The following GBP7 variants were observed in gnomAD, a reference collection of about 807,000 sequenced individuals.
GBP7 encodes guanylate binding protein 7.
Under a neutral mutation model 61.3 loss-of-function variants are expected in GBP7, and 43 were observed. The ratio of observed to expected loss-of-function variants is 0.70; its 90% CI spans 0.55 to 0.91. GBP7 has a LOEUF of 0.91. Ranked by LOEUF, GBP7 falls within the 40% of genes least tolerant of loss-of-function variation. The pLI is 0.00. For missense variants in GBP7, 717 were observed against 740.5 expected, an observed-to-expected ratio of 0.97 and a Z score of 0.37; for synonymous variants, 267 against 271.0, an observed-to-expected ratio of 0.99 and a Z score of 0.14.
intron 9 of GBP7, among the ~76,000 whole-genome samples, chr1:89,133,978 G>A (rs1437457697): frequency 2.0e-5 from 3 of 152,108 alleles, no homozygotes; most frequent in South Asian, 2.1e-4. Flanking sequence ...GGCTTTTGTC[G>A]ACTATTGGTC....
chr1:89,165,986 A>G lies in GBP7; in HGVS notation c.191-1128T>C, dbSNP rs572951652. Among the ~76,000 whole-genome samples, 6 of 152,348 alleles carry G rather than the reference A, an allele frequency of 3.9e-5. No homozygotes were observed. The East Asian group carries it at 1.2e-3, about 29-fold the overall frequency. ...ATGGGGACAGTGGGAAACCCCCTCT[A>G]TGAGTAACAAGCCCTCACTAGACAC... is the stretch of plus-strand genomic sequence containing the variant. On this transcript the variant is annotated intron_variant, in intron 2 of 10. Transcript: ENST00000294671.
intron 2 of GBP7, among the ~76,000 whole-genome samples, chr1:89,168,989 A>C (rs1341241156): frequency 7.0e-5 from 1 of 14,246 alleles, no homozygotes; most frequent in Admixed American, 5.8e-4. Flanking sequence ...AAAAAACAAA[A>C]AACAAAAAAA....
chr1:89,170,795 T>C (rs1647575549), intron 2 of GBP7, among the ~76,000 whole-genome samples: 1 of 152,188 alleles, frequency 6.6e-6, no homozygotes, highest in African/African-American at 2.4e-5. Flanking sequence ...AACTACAACC[T>C]TGCGACAAAG....
chr1:89,164,623 T>G, intron 3 of GBP7, 108 bp downstream of exon 3: 1 of 1,107,506 alleles, frequency 9.0e-7, no homozygotes, highest in Admixed American at 2.5e-5. Context: ...TTTCCCATAA[T>G]CAGATTTGTG....
At chr1:89,172,718 T>G (rs919710536) in intron 1 of GBP7, among the ~76,000 whole-genome samples, 8 of 152,090 alleles carry the variant, frequency 5.3e-5, no homozygotes, top group African/African-American at 1.9e-4. Context: ...GTTTCCATTT[T>G]GAGAAACAGT....
intron 3 of GBP7, among the ~76,000 whole-genome samples, chr1:89,156,261 A>G (rs530273826): frequency 3.4e-4 from 52 of 152,350 alleles, no homozygotes; most frequent in African/African-American, 1.2e-3. Flanking sequence ...GCCAAATTGT[A>G]AAGACCATCT....
At chr1:89,147,144 TTCA>T (rs1282215379) in intron 8 of GBP7, among the ~76,000 whole-genome samples, 1 of 152,112 alleles carries the variant, frequency 6.6e-6, no homozygotes, top group African/African-American at 2.4e-5. Context: ...AACCATTCAT[TTCA>T]TCATCACCAT....
intron 8 of GBP7, among the ~76,000 whole-genome samples, chr1:89,145,991 C>T (rs1339250108): frequency 6.6e-6 from 1 of 151,970 alleles, no homozygotes; most frequent in Admixed American, 6.5e-5. Context: ...CATATGGAAC[C>T]ATAAAAGACC....
chr1:89,131,868 ATC>A lies in GBP7; in HGVS notation c.*279_*280del, dbSNP rs1273713730. 1.3e-5 allele frequency: 3 copies of A among 235,228 alleles called. No homozygotes were observed. Among genetic ancestry groups the A allele is most frequent in the African/African-American group, 6.8e-5 (3 of 44,354 alleles). 14.6% of individuals were successfully genotyped at this position (235,228 alleles called of 1,614,324 possible). Reference sequence around the variant, plus strand: ...GCAAGAGCTAATTATAACTTAAATTATCTCTGTGACTATAACATTAATTGAAA... The same window carrying A: ...GCAAGAGCTAATTATAACTTAAATTATCTGTGACTATAACATTAATTGAAA... On this transcript the variant is annotated 3_prime_UTR_variant, in exon 11 of 11. Transcript: ENST00000294671.
intron 8 of GBP7, among the ~76,000 whole-genome samples, chr1:89,145,261 C>G (rs897428135): frequency 1.3e-5 from 2 of 152,086 alleles, no homozygotes; most frequent in African/African-American, 4.8e-5. Flanking sequence ...GACTTTCGCT[C>G]TTTTTAAATA....
rs34186424 is a variant in GBP7, at chr1:89,168,781, A to AAACAACAAC, written c.190+2956_190+2964dup. Among the ~76,000 whole-genome samples the AAACAACAAC allele has an allele frequency of 2.7e-5, 4 of 150,180 alleles. No homozygotes were observed. The East Asian group carries it at 6.0e-4, about 22-fold the overall frequency. On this transcript the variant is annotated intron_variant, in intron 2 of 10. Coordinates refer to ENST00000294671, the MANE Select transcript of GBP7 (RefSeq NM_207398.3). ...GAAACCCTGTCTCTACTAAAAATAC[A>AAACAACAAC]AACAACAACAACAACAACAACAACA...
Position 89,150,405 on chromosome 1 carries a change from C to T in GBP7, c.796G>A (p.Glu266Lys). Residue 266 changes from glutamate (E) to lysine (K), a missense_variant, in exon 6 of 11, where the codon GAA becomes AAA. Around this residue, in one of 3 missense-constraint regions of GBP7, gnomAD observed 387 missense variants for 385.2 expected, o/e 1.00. Coordinates refer to ENST00000294671, the MANE Select transcript of GBP7 (RefSeq NM_207398.3). Reference protein sequence around the residue: ...QLDSNFQMQSENFCSYIFTHA... With the variant: ...QLDSNFQMQSKNFCSYIFTHA... ...GTGAAGATATAAGAACAGAAATTTT[C>T]TGATTGCATCTGGAAATTACTATCC... 1 of 1,613,952 alleles carries T rather than the reference C, an allele frequency of 6.2e-7. No individual in the cohort carries two copies. Among genetic ancestry groups the T allele is most frequent in the Non-Finnish European group, 8.5e-7 (1 of 1,179,868 alleles).
chr1:89,134,209 T>A (rs1681742559), intron 9 of GBP7, among the ~76,000 whole-genome samples: 1 of 152,226 alleles, frequency 6.6e-6, no homozygotes, highest in Admixed American at 6.5e-5. Flanking sequence ...CTCACACCAG[T>A]GTGCACTCAA....
rs1557448987 is a variant in GBP7, at chr1:89,132,054, GC to G, written c.*94del. Reference sequence around the variant, plus strand: ...CAGGCCATAATATTCTTTGAAATTTGCTTTTTAATTTTAAACTTTTCTTAAA... The same window carrying G: ...CAGGCCATAATATTCTTTGAAATTTGTTTTTAATTTTAAACTTTTCTTAAA... On this transcript the variant is annotated 3_prime_UTR_variant, in exon 11 of 11. Coordinates refer to ENST00000294671, the MANE Select transcript of GBP7 (RefSeq NM_207398.3). The G allele has an allele frequency of 1.0e-6, 1 of 996,794 alleles. No individual in the cohort carries two copies. Among genetic ancestry groups the G allele is most frequent in the Non-Finnish European group, 1.4e-6 (1 of 699,202 alleles). 61.7% of individuals were successfully genotyped at this position (996,794 alleles called of 1,614,324 possible).
chr1:89,159,668 T>C (rs757366008), intron 3 of GBP7, among the ~76,000 whole-genome samples: 2 of 152,160 alleles, frequency 1.3e-5, no homozygotes, highest in South Asian at 2.1e-4. Flanking sequence ...TGAGATACCA[T>C]GTCACACCAG....
rs927099241 is a variant in GBP7, at chr1:89,175,059, T to G, written c.-20+862A>C. ...CCTTCTTGTAGTGATGCTTTAATTT[T>G]GTGTTTTTAAGTTGAATGTCTCAAT... On this transcript the variant is annotated intron_variant, in intron 1 of 10. Coordinates refer to ENST00000294671, the MANE Select transcript of GBP7 (RefSeq NM_207398.3). 2.0e-5 allele frequency among the ~76,000 whole-genome samples: 3 copies of G among 152,218 alleles called. No homozygotes were observed. In the South Asian group the frequency reaches 6.2e-4, roughly 32 times the overall value.
chr1:89,142,782 CT>C (rs1399772669), intron 8 of GBP7, among the ~76,000 whole-genome samples: 1 of 8,132 alleles, frequency 1.2e-4, no homozygotes. Flanking sequence ...TCCTTGTTCC[CT>C]TCTTTCAAAA....
intron 9 of GBP7, among the ~76,000 whole-genome samples, chr1:89,137,469 G>C (rs929989817): frequency 3.3e-5 from 5 of 152,112 alleles, no homozygotes; most frequent in Non-Finnish European, 7.4e-5. Context: ...TGTCAATTAG[G>C]CTTTATTCCT....
intron 3 of GBP7, among the ~76,000 whole-genome samples, chr1:89,154,802 T>G (rs1489210968): frequency 4.5e-5 from 3 of 65,958 alleles, no homozygotes; most frequent in African/African-American, 7.4e-5. Flanking sequence ...TTAATAAAAT[T>G]TAAAAAAAAT....
Sources: gnomAD v4.1 joint callset for allele counts (sites outside exome capture counted in the v4.1 genomes callset) on GRCh38, gnomAD v4.1.1 for gene constraint, gnomAD v4.1.1 regional missense constraint, MANE v1.5 for transcripts, NCBI Gene and HGNC (gene_info 2026-07-23, HGNC 2026-07-21) for gene names.